CCN4: variants seen among roughly 807,000 people sequenced by gnomAD.
CCN4 encodes the protein cellular communication network factor 4, also known as CCN family member 4.
A neutral mutation model predicts 36.7 loss-of-function variants in CCN4; 30 were observed. The observed-to-expected ratio is 0.82, with a 90% confidence interval of 0.61 to 1.11. CCN4 has a LOEUF of 1.11. Ranked by LOEUF, CCN4 falls within the 50% of genes least tolerant of loss-of-function variation. The pLI is 0.00. For missense variants in CCN4, 505 were observed against 504.9 expected (o/e 1.00, Z 0.00); for synonymous variants, 191 against 195.4 (o/e 0.98, Z 0.19).
intron 1 of CCN4, among the ~76,000 whole-genome samples, chr8:133,194,307 G>T (rs62514008): frequency 0.52 from 52,738 of 102,160 alleles, 13,457 homozygotes; most frequent in African/African-American, 0.71. Context: ...TGTGTGTGTG[G>T]TGTGTGTGTG....
intron 2 of CCN4, among the ~76,000 whole-genome samples, chr8:133,217,426 C>A (rs1564263263): frequency 6.6e-6 from 1 of 152,252 alleles, no homozygotes; most frequent in Non-Finnish European, 1.5e-5. Flanking sequence ...AACTCGATCA[C>A]ACCTGCACTT....
intron 1 of CCN4, among the ~76,000 whole-genome samples, chr8:133,209,091 G>A (rs1853889452): frequency 6.6e-6 from 1 of 152,156 alleles, no homozygotes; most frequent in Admixed American, 6.5e-5. Context: ...ATAATCCTCG[G>A]TCCCTAGAAT....
chr8:133,217,267 A>G (rs1000671050), intron 2 of CCN4, among the ~76,000 whole-genome samples: 3 of 152,230 alleles, frequency 2.0e-5, no homozygotes, highest in Non-Finnish European at 4.4e-5. Context: ...TGAGGCAGCA[A>G]AAACAAACAG....
chr8:133,200,988 G>A (rs1253458510), intron 1 of CCN4, among the ~76,000 whole-genome samples: 1 of 152,134 alleles, frequency 6.6e-6, no homozygotes, highest in Non-Finnish European at 1.5e-5. Context: ...CAGTGCAAAT[G>A]TCTGCTCCTC....
At chr8:133,198,803 C>T (rs1224009612) in intron 1 of CCN4, among the ~76,000 whole-genome samples, 1 of 152,252 alleles carries the variant, frequency 6.6e-6, no homozygotes, top group Non-Finnish European at 1.5e-5. Context: ...CCCCTACCCT[C>T]CTGCAAAGCC....
intron 4 of CCN4, 69 bp downstream of exon 4, chr8:133,225,652 T>C: frequency 2.9e-5 from 41 of 1,411,810 alleles, no homozygotes; most frequent in Admixed American, 4.8e-5. Context: ...GCCTGGCTCC[T>C]GAACTTCCTC....
chr8:133,203,132 C>G lies in CCN4; in HGVS notation c.70-9732C>G, dbSNP rs1016593724. Among the ~76,000 whole-genome samples, 11 of 152,338 alleles carry G rather than the reference C, an allele frequency of 7.2e-5. No homozygotes were observed. The East Asian group carries it at 1.5e-3, about 21-fold the overall frequency. On this transcript the variant is annotated intron_variant, in intron 1 of 4. Transcript: ENST00000250160. ...AACAGGGCAAGCCAAGGCCTCCGACCGTCCACACTGCTCACGGAGCACTTG... is the reference window on the plus strand; with the variant it reads ...AACAGGGCAAGCCAAGGCCTCCGACGGTCCACACTGCTCACGGAGCACTTG...
chr8:133,191,093 G>A lies in CCN4; in HGVS notation c.-52G>A. On this transcript the variant is annotated 5_prime_UTR_variant, in exon 1 of 5. Coordinates refer to ENST00000250160, the MANE Select transcript of CCN4 (RefSeq NM_003882.4). ...TCTGGGCCCAGCTCCCCCGAGAGGT[G>A]GTCGGATCCTCTGGGCTGCTCGGTC... The A allele has an allele frequency of 1.9e-6, 3 of 1,594,782 alleles. No individual in the cohort carries two copies. Among genetic ancestry groups the A allele is most frequent in the Non-Finnish European group, 2.6e-6 (3 of 1,173,980 alleles).
chr8:133,209,569 T>G (rs1406596979), intron 1 of CCN4, among the ~76,000 whole-genome samples: 2 of 152,242 alleles, frequency 1.3e-5, no homozygotes, highest in East Asian at 3.8e-4. Flanking sequence ...ACCAGCTGTG[T>G]GCCCTGGCAC....
intron 2 of CCN4, among the ~76,000 whole-genome samples, chr8:133,217,650 A>G (rs1854368435): frequency 6.6e-6 from 1 of 152,154 alleles, no homozygotes; most frequent in South Asian, 2.1e-4. Flanking sequence ...CGCGCCTTCT[A>G]GTTGCACTGG....
rs928305352 is a variant in CCN4, at chr8:133,227,702, G to T, written c.1096G>T (p.Ala366Ser). 5 of 1,611,836 alleles carry T rather than the reference G, an allele frequency of 3.1e-6. No homozygotes were observed. In the African/African-American group the frequency reaches 4.0e-5, roughly 13 times the overall value. ...ATCCTACCCTGACTTCTCAGAAATT[G>T]CCAACTAGGCAGGCACAAATCTTGG... The part of the protein sequence containing the change: ...LESYPDFSEI[A>S]N Residue 366 changes from alanine to serine, a missense_variant, in exon 5 of 5, where the codon GCC (alanine) becomes TCC (serine). Transcript: ENST00000250160.
intron 1 of CCN4, among the ~76,000 whole-genome samples, chr8:133,199,976 A>G (rs983192874): frequency 3.3e-5 from 5 of 152,100 alleles, no homozygotes; most frequent in Admixed American, 2.0e-4. Flanking sequence ...ACGCACTTCC[A>G]TGGCATGCAA....
intron 3 of CCN4, 119 bp downstream of exon 3, chr8:133,220,960 A>G (rs1854505667): frequency 7.3e-7 from 1 of 1,370,736 alleles, no homozygotes; most frequent in Non-Finnish European, 9.7e-7. Flanking sequence ...TAGCTTTGTG[A>G]CCTTGAGAAA....
chr8:133,204,559 G>A (rs1405158022), intron 1 of CCN4, among the ~76,000 whole-genome samples: 1 of 152,204 alleles, frequency 6.6e-6, no homozygotes, highest in Non-Finnish European at 1.5e-5. Context: ...AATATTCAAA[G>A]AGGGATCTAG....
Position 133,225,623 on chromosome 8 carries a change from CA to C in CCN4, c.804+41del, listed in dbSNP as rs760060989. On this transcript the variant is annotated intron_variant, in intron 4 of 4. Coordinates refer to ENST00000250160, the MANE Select transcript of CCN4 (RefSeq NM_003882.4). ...GGTGTGGATGTCTAGACTTCACAAG[CA>C]GACAAATATGGGTTTGAGCCTGGCT... is the stretch of plus-strand genomic sequence containing the variant. 2.0e-6 allele frequency: 3 copies of C among 1,494,948 alleles called. No homozygotes were observed. In the East Asian group the frequency reaches 7.2e-5, roughly 36 times the overall value. The allele number at this position is 1,494,948 out of a possible 1,614,324, so 92.6% of individuals were successfully genotyped here.
At chr8:133,201,285 T>A (rs1347049170) in intron 1 of CCN4, among the ~76,000 whole-genome samples, 1 of 152,158 alleles carries the variant, frequency 6.6e-6, no homozygotes, top group Non-Finnish European at 1.5e-5. Context: ...CTTAGGATAA[T>A]CACAAGGATT....
At chr8:133,226,976 C>T (rs560747334) in intron 4 of CCN4, among the ~76,000 whole-genome samples, 1 of 152,178 alleles carries the variant, frequency 6.6e-6, no homozygotes, top group Non-Finnish European at 1.5e-5. Flanking sequence ...TGAAAGGCCA[C>T]GAGAGGCAAA....
intron 1 of CCN4, among the ~76,000 whole-genome samples, chr8:133,202,711 C>A (rs1043137655): frequency 5.9e-5 from 9 of 152,180 alleles, no homozygotes; most frequent in African/African-American, 2.2e-4. Flanking sequence ...CTGGCTCATA[C>A]ACCTTTCACG....
chr8:133,211,900 AG>A (rs1357542926), intron 1 of CCN4, among the ~76,000 whole-genome samples: 1 of 152,140 alleles, frequency 6.6e-6, no homozygotes, highest in Non-Finnish European at 1.5e-5. Flanking sequence ...GATGGGATTC[AG>A]GGGGGCAACC....
Sources: gnomAD v4.1 joint callset for allele counts (sites outside exome capture counted in the v4.1 genomes callset) on GRCh38, gnomAD v4.1.1 for gene constraint, MANE v1.5 for transcripts, NCBI Gene and HGNC (gene_info 2026-07-23, HGNC 2026-07-21) for gene names.